RPSA: variants seen among roughly 807,000 people sequenced by gnomAD.
RPSA encodes the protein ribosomal protein SA.
For missense variants in RPSA, 140 were observed against 372.8 expected (o/e 0.38, Z 5.14); for synonymous variants, 103 against 126.7 (o/e 0.81, Z 1.25).
In RPSA at chr3:39,406,784, C is replaced by T; in HGVS notation, c.-34+20C>T. 2.2e-6 allele frequency: 1 copy of T among 446,216 alleles called. No individual in the cohort carries two copies. 27.6% of individuals were successfully genotyped at this position (446,216 alleles called of 1,614,324 possible). A position where few individuals can be genotyped will look rare whatever the true frequency, so the allele number is the denominator to read the frequency against. ...TTCTGGGTGAGTTCCGTGTAGCGTC[C>T]CTGGCGCCTTCCAGGGCTAGAAAAA... On this transcript the variant is annotated intron_variant, in intron 1 of 6. Transcript: ENST00000301821.
In RPSA at chr3:39,411,788, C is replaced by G. The variant is rs767452979; in HGVS notation, c.627+11C>G. ...AGAGATCCTGAAGAGGTAAGCTTCT[C>G]CAAAGGCTTGTGGTTACATAAGCAA... On this transcript the variant is annotated intron_variant, in intron 5 of 6. Transcript: ENST00000301821. 8 of 1,599,594 alleles carry G rather than the reference C, an allele frequency of 5.0e-6. No homozygotes were observed. In the African/African-American group the frequency reaches 9.3e-5, roughly 19 times the overall value.
At chr3:39,408,499 G>A in intron 2 of RPSA, 107 bp from the exon 3 acceptor site, 1 of 794,582 alleles carries the variant, frequency 1.3e-6, no homozygotes, top group South Asian at 1.3e-5. Context: ...AGTAGAGCTT[G>A]CCTCTATGAC....
intron 3 of RPSA, 105 bp downstream of exon 3, chr3:39,408,829 GTGGCT>G (rs1206496840): frequency 2.6e-6 from 2 of 784,104 alleles, no homozygotes; most frequent in Non-Finnish European, 4.6e-6. Flanking sequence ...GCCGGGCGCG[GTGGCT>G]ACGCCTGTAA....
In RPSA at chr3:39,407,942, T is replaced by A. The variant is rs532550575; in HGVS notation, c.133+156T>A. On this transcript the variant is annotated intron_variant, in intron 2 of 6. Transcript: ENST00000301821. The stretch of plus-strand genomic sequence containing the variant: ...ATACTTTAAATAAATGTTCTTGTTA[T>A]TGAGAGAAAAGATTTCTGCTCCAGG... The A allele has an allele frequency of 6.4e-6, 4 of 624,944 alleles. No individual in the cohort carries two copies. The East Asian group carries it at 1.1e-4, about 18-fold the overall frequency. The allele number at this position is 624,944 out of a possible 1,614,324, so 38.7% of individuals were successfully genotyped here.
At chr3:39,407,919 A>G in intron 2 of RPSA, 133 bp downstream of exon 2, 1 of 655,874 alleles carries the variant, frequency 1.5e-6, no homozygotes. Context: ...TTGAAAACAT[A>G]CTTTAAATAA....
chr3:39,412,267 T>C lies in RPSA; in HGVS notation c.794-7T>C. 2 of 1,609,004 alleles carry C rather than the reference T, an allele frequency of 1.2e-6. No homozygotes were observed. The highest frequency in any genetic ancestry group is 2.7e-5 in the African/African-American group (2 of 74,932). On this transcript the variant is annotated splice_polypyrimidine_tract_variant and splice_region_variant and intron_variant, in intron 6 of 6. Transcript: ENST00000301821. Reference sequence around the variant, plus strand: ...GCTGATGGCTTTTTTTGGTATTCTCTTAACAGAAGACTGGAGCGCTCAGCC... The same window carrying C: ...GCTGATGGCTTTTTTTGGTATTCTCCTAACAGAAGACTGGAGCGCTCAGCC...
At chr3:39,409,875 T>TG (rs2041980151) in intron 3 of RPSA, among the ~76,000 whole-genome samples, 2 of 152,096 alleles carry the variant, frequency 1.3e-5, no homozygotes, top group African/African-American at 4.8e-5. Context: ...TTTTGTAATA[T>TG]GGGGTACTTT....
At chr3:39,409,456 C>T (rs2041973617) in intron 3 of RPSA, among the ~76,000 whole-genome samples, 2 of 152,212 alleles carry the variant, frequency 1.3e-5, no homozygotes, top group African/African-American at 4.8e-5. Flanking sequence ...CCACCTCGGC[C>T]TCCCAAAGTG....
At chr3:39,407,035 A>G (rs1362642142) in intron 1 of RPSA, 4 of 454,838 alleles carry the variant, frequency 8.8e-6, no homozygotes, top group Non-Finnish European at 1.3e-5. Context: ...GAGTGCAGAA[A>G]GCGGGCTAAC....
Position 39,412,467 on chromosome 3 carries a change from C to G in RPSA, c.*99C>G. 4.3e-6 allele frequency: 3 copies of G among 691,894 alleles called. No individual in the cohort carries two copies. The highest frequency in any genetic ancestry group is 7.4e-6 in the Non-Finnish European group (3 of 403,758). 42.9% of individuals were successfully genotyped at this position (691,894 alleles called of 1,614,324 possible). A position where few individuals can be genotyped will look rare whatever the true frequency, so the allele number is the denominator to read the frequency against. ...GTCTTCATTTAGTTTGCTTTTTACT[C>G]CAGATCAGAATACCTGGGATTGCAT... On this transcript the variant is annotated 3_prime_UTR_variant, in exon 7 of 7. Coordinates refer to ENST00000301821, the MANE Select transcript of RPSA (RefSeq NM_002295.6).
chr3:39,408,735 C>G lies in RPSA; in HGVS notation c.252+11C>G. On this transcript the variant is annotated intron_variant, in intron 3 of 6. Transcript: ENST00000301821. ...AGGAATACTGGCCAGGTTTGTGGAACAGTGGTTAGTTTTTATATTATAGAA... is the reference window on the plus strand; with the variant it reads ...AGGAATACTGGCCAGGTTTGTGGAAGAGTGGTTAGTTTTTATATTATAGAA... The G allele has an allele frequency of 7.6e-7, 1 of 1,310,970 alleles. No homozygotes were observed. Among genetic ancestry groups the G allele is most frequent in the Non-Finnish European group, 1.1e-6 (1 of 903,418 alleles). The allele number at this position is 1,310,970 out of a possible 1,614,324, so 81.2% of individuals were successfully genotyped here. A position where few individuals can be genotyped will look rare whatever the true frequency, so the allele number is the denominator to read the frequency against.
At chr3:39,408,795 CAT>C in intron 3 of RPSA, 71 bp downstream of exon 3, 6 of 933,498 alleles carry the variant, frequency 6.4e-6, no homozygotes, top group Non-Finnish European at 7.1e-6. Flanking sequence ...CATAGAAAGA[CAT>C]AAGAAAACAG....
intron 1 of RPSA, chr3:39,407,185 C>T (rs2041931660): frequency 5.8e-6 from 2 of 343,104 alleles, no homozygotes; most frequent in East Asian, 8.2e-5. Flanking sequence ...GGTTTTTAGA[C>T]AAACAAGTGG....
intron 1 of RPSA, 103 bp from the exon 2 acceptor site, chr3:39,407,518 T>C: frequency 1.2e-6 from 1 of 841,692 alleles, no homozygotes; most frequent in Non-Finnish European, 2.0e-6. Flanking sequence ...CACTGTAAGC[T>C]CAATGCCTGA....
At chr3:39,406,932 C>G (rs920965198) in intron 1 of RPSA, 168 bp downstream of exon 1, 1 of 453,768 alleles carries the variant, frequency 2.2e-6, no homozygotes, top group East Asian at 7.0e-5. Flanking sequence ...CAGGCTCGGG[C>G]TGGCGGGTTC....
chr3:39,408,797 TAAG>T, intron 3 of RPSA, 73 bp downstream of exon 3: 2 of 935,186 alleles, frequency 2.1e-6, no homozygotes, highest in East Asian at 4.8e-5. Flanking sequence ...TAGAAAGACA[TAAG>T]AAAACAGAAA....
intron 3 of RPSA, chr3:39,410,169 TTTTAA>T (rs146639894): frequency 0.015 from 2,401 of 161,072 alleles, 69 homozygotes; most frequent in African/African-American, 0.053. Context: ...TAATTTGTAT[TTTTAA>T]GAAATGACTA....
chr3:39,407,453 C>G lies in RPSA; in HGVS notation c.-33-168C>G, dbSNP rs2041935359. On this transcript the variant is annotated intron_variant, in intron 1 of 6. Coordinates refer to ENST00000301821, the MANE Select transcript of RPSA (RefSeq NM_002295.6). Reference sequence around the variant, plus strand: ...CACACTATTTCCTCAGTAAGATGTGCGCTGTTCCGTAATACACGACATGTA... The same window carrying G: ...CACACTATTTCCTCAGTAAGATGTGGGCTGTTCCGTAATACACGACATGTA... 3 of 654,916 alleles carry G rather than the reference C, an allele frequency of 4.6e-6. No individual in the cohort carries two copies. The East Asian group carries it at 8.2e-5, about 18-fold the overall frequency. The allele number at this position is 654,916 out of a possible 1,614,324, so 40.6% of individuals were successfully genotyped here.
At position 39,410,965 on chromosome 3, in the gene RPSA, G is replaced by T; in HGVS notation, c.464G>T (p.Arg155Leu). Reference sequence around the variant, plus strand: ...CTGTGTAACACAGATTCTCCTCTGCGCTATGTGGACATTGCCATCCCATGC... The same window carrying T: ...CTGTGTAACACAGATTCTCCTCTGCTCTATGTGGACATTGCCATCCCATGC... ...IALCNTDSPL[R>L]YVDIAIPCNN... Residue 155 changes from arginine (R) to leucine (L), a missense_variant, in exon 4 of 7, where the codon CGC (arginine) becomes CTC (leucine). Transcript: ENST00000301821. The T allele has an allele frequency of 6.3e-7, 1 of 1,599,518 alleles. No individual in the cohort carries two copies. Among genetic ancestry groups the T allele is most frequent in the Non-Finnish European group, 8.5e-7 (1 of 1,179,754 alleles).
Sources: gnomAD v4.1 joint callset for allele counts (sites outside exome capture counted in the v4.1 genomes callset) on GRCh38, gnomAD v4.1.1 for gene constraint, MANE v1.5 for transcripts, NCBI Gene and HGNC (gene_info 2026-07-23, HGNC 2026-07-21) for gene names.